ICE1: variants seen among roughly 807,000 people sequenced by gnomAD.
ICE1 encodes little elongation complex subunit 1.
Under a neutral mutation model 192.7 loss-of-function variants are expected in ICE1, and 64 were observed. The observed-to-expected ratio is 0.33, with a 90% confidence interval of 0.27 to 0.41. The LOEUF is 0.41. Ranked by LOEUF, ICE1 falls within the 10% of genes least tolerant of loss-of-function variation. The pLI is 1.00. For synonymous variants in ICE1, 1,010 were observed against 984.5 expected (o/e 1.03, Z -0.49); for missense variants, 2,708 against 2,696.0 (o/e 1.00, Z -0.10).
intron 17 of ICE1, among the ~76,000 whole-genome samples, chr5:5,481,638 G>A (rs921452910): frequency 5.3e-5 from 8 of 152,046 alleles, no homozygotes; most frequent in South Asian, 2.1e-4. Context: ...TAATGGGTTC[G>A]GAAAAGAATG....
Position 5,422,864 on chromosome 5 carries a change from G to T in ICE1, c.-52G>T. On this transcript the variant is annotated 5_prime_UTR_variant, in exon 1 of 19. Transcript: ENST00000296564. ...GCATCAGCAGAGACAGGACGGGGCC[G>T]ACGCCGCGGGCCCCTGAGGCGTGCG... 1.6e-6 allele frequency: 2 copies of T among 1,244,112 alleles called. No homozygotes were observed. Among genetic ancestry groups the T allele is most frequent in the South Asian group, 5.1e-5 (2 of 39,336 alleles). The allele number at this position is 1,244,112 out of a possible 1,614,324, so 77.1% of individuals were successfully genotyped here. A position where few individuals can be genotyped will look rare whatever the true frequency, so the allele number is the denominator to read the frequency against.
Position 5,466,343 on chromosome 5 carries a change from G to C in ICE1, c.5902G>C (p.Glu1968Gln), listed in dbSNP as rs758714078. 1.2e-6 allele frequency: 2 copies of C among 1,601,574 alleles called. No individual in the cohort carries two copies. Among genetic ancestry groups the C allele is most frequent in the African/African-American group, 1.3e-5 (1 of 74,098 alleles). ...EFSTTKKHLA[E>Q]CLLHSILSEL... is the part of the protein sequence containing the mutation. ...TTTTTTTTCAATCCAGCATTTAGCA[G>C]AGTGCTTGCTTCACTCTATTCTCTC... The change falls in exon 14 of 19, where the codon GAG becomes CAG. Residue 1968 changes from glutamate (E) to glutamine (Q), a missense_variant. Physicochemically the swap from Glu to Gln is conservative, Grantham distance 29 (BLOSUM62 2). This residue lies in a region of ICE1 where 342 missense variants were observed against 419.3 expected (regional missense o/e 0.82). Coordinates refer to ENST00000296564, the MANE Select transcript of ICE1 (RefSeq NM_015325.3).
At chr5:5,438,713 T>C (rs1737951801) in intron 3 of ICE1, among the ~76,000 whole-genome samples, 2 of 152,306 alleles carry the variant, frequency 1.3e-5, no homozygotes, top group Middle Eastern at 3.4e-3. Context: ...GAAATAATTG[T>C]TTTACTTTTC....
At chr5:5,444,427 T>G in intron 7 of ICE1, 101 bp downstream of exon 7, 1 of 809,860 alleles carries the variant, frequency 1.2e-6, no homozygotes, top group South Asian at 1.6e-5. Context: ...ATTGTTATGG[T>G]TTTTGATGGT....
chr5:5,433,785 T>G (rs1737792085), intron 1 of ICE1, among the ~76,000 whole-genome samples: 1 of 152,190 alleles, frequency 6.6e-6, no homozygotes, highest in Non-Finnish European at 1.5e-5. Context: ...GCTTAACAGA[T>G]GGTGACCCAA....
chr5:5,423,550 C>T (rs1457284935), intron 1 of ICE1, among the ~76,000 whole-genome samples: 1 of 152,186 alleles, frequency 6.6e-6, no homozygotes, highest in Non-Finnish European at 1.5e-5. Context: ...GGTCAAGTAG[C>T]TTGTCAGTTG....
chr5:5,476,684 G>C (rs955374527), intron 17 of ICE1, among the ~76,000 whole-genome samples: 1 of 152,154 alleles, frequency 6.6e-6, no homozygotes, highest in African/African-American at 2.4e-5. Context: ...CTCAGAGCAA[G>C]AGCTTGCTCA....
At chr5:5,477,064 T>G (rs1247858907) in intron 17 of ICE1, among the ~76,000 whole-genome samples, 1 of 150,364 alleles carries the variant, frequency 6.7e-6, no homozygotes, top group Non-Finnish European at 1.5e-5. Context: ...TTTATTTTTA[T>G]TTTTACTTAT....
At chr5:5,433,296 A>T (rs1395338602) in intron 1 of ICE1, among the ~76,000 whole-genome samples, 1 of 151,974 alleles carries the variant, frequency 6.6e-6, no homozygotes, top group East Asian at 1.9e-4. Context: ...ATGGTTGGGG[A>T]TTGGGATTAA....
At chr5:5,467,887 T>C (rs1163483704) in intron 14 of ICE1, among the ~76,000 whole-genome samples, 1 of 152,246 alleles carries the variant, frequency 6.6e-6, no homozygotes, top group Non-Finnish European at 1.5e-5. Flanking sequence ...ATTTATCCTA[T>C]GGCTCAGAAA....
chr5:5,485,765 T>A (rs1561102611), intron 17 of ICE1, among the ~76,000 whole-genome samples: 1 of 152,194 alleles, frequency 6.6e-6, no homozygotes, highest in Admixed American at 6.5e-5. Context: ...ACATTTAATA[T>A]CACCAATCTC....
chr5:5,477,596 C>A (rs924245968), intron 17 of ICE1, among the ~76,000 whole-genome samples: 1 of 152,162 alleles, frequency 6.6e-6, no homozygotes, highest in Non-Finnish European at 1.5e-5. Flanking sequence ...GAAGCTATTC[C>A]AAACAGTAGA....
At chr5:5,486,648 G>A (rs530375554) in intron 17 of ICE1, 73 bp from the exon 18 acceptor site, 11 of 999,444 alleles carry the variant, frequency 1.1e-5, no homozygotes, top group Admixed American at 4.1e-5. Flanking sequence ...TAAGAGAAGT[G>A]GACCTTTAAA....
In ICE1 at chr5:5,489,856, GCA is replaced by G. The variant is rs1459374134; in HGVS notation, c.*527_*528del. 2 of 152,226 alleles carry G rather than the reference GCA, an allele frequency of 1.3e-5. No individual in the cohort carries two copies. The highest frequency in any genetic ancestry group is 2.9e-5 in the Non-Finnish European group (2 of 68,058). The allele number at this position is 152,226 out of a possible 1,614,324, so 9.4% of individuals were successfully genotyped here. Reference sequence around the variant, plus strand: ...TGCGTAATTGATCAGAGCAAAACATGCAGAGCCCTTAGCAGAAACCCACTTTA... The same window carrying G: ...TGCGTAATTGATCAGAGCAAAACATGGAGCCCTTAGCAGAAACCCACTTTA... On this transcript the variant is annotated 3_prime_UTR_variant, in exon 19 of 19. Transcript: ENST00000296564.
rs567538739 is a variant in ICE1 at position 5,486,830 on chromosome 5, C to A, written c.6619+11C>A. 9.0e-6 allele frequency: 14 copies of A among 1,559,632 alleles called. No individual in the cohort carries two copies. The highest frequency in any genetic ancestry group is 1.4e-5 in the African/African-American group (1 of 73,894). On this transcript the variant is annotated intron_variant, in intron 18 of 18. Coordinates refer to ENST00000296564, the MANE Select transcript of ICE1 (RefSeq NM_015325.3). The stretch of plus-strand genomic sequence containing the variant: ...ATGCTCACGATGAAGGTAAAACTTA[C>A]ATCTATTAAAATTACTTTTAAGTAA...
At chr5:5,483,536 T>G (rs1739563986) in intron 17 of ICE1, among the ~76,000 whole-genome samples, 1 of 152,122 alleles carries the variant, frequency 6.6e-6, no homozygotes, top group African/African-American at 2.4e-5. Context: ...AGAAATGTGG[T>G]GGAGAATAGA....
rs890482515 is a variant in ICE1 at position 5,423,029 on chromosome 5, G to T, written c.84+30G>T. Reference sequence around the variant, plus strand: ...AGCACCTCCCGGGGCCCCGGGCGCGGGGGGGGACTCGGCTCGGCCGGCCGG... The same window carrying T: ...AGCACCTCCCGGGGCCCCGGGCGCGTGGGGGGACTCGGCTCGGCCGGCCGG... On this transcript the variant is annotated intron_variant, in intron 1 of 18. Coordinates refer to ENST00000296564, the MANE Select transcript of ICE1 (RefSeq NM_015325.3). The T allele has an allele frequency of 1.7e-5, 23 of 1,326,686 alleles. 1 individual carries two copies. Among genetic ancestry groups the T allele is most frequent in the South Asian group, 1.5e-4 (8 of 53,662 alleles). 82.2% of individuals were successfully genotyped at this position (1,326,686 alleles called of 1,614,324 possible).
intron 7 of ICE1, 89 bp downstream of exon 7, chr5:5,444,415 G>A: frequency 1.1e-6 from 1 of 909,300 alleles, no homozygotes; most frequent in Non-Finnish European, 1.7e-6. Flanking sequence ...TCAAATAGTT[G>A]AATTGTTATG....
At chr5:5,457,182 G>A (rs1738610757) in intron 11 of ICE1, 150 bp from the exon 12 acceptor site, 2 of 680,034 alleles carry the variant, frequency 2.9e-6, no homozygotes, top group Admixed American at 3.3e-5. Flanking sequence ...ATAATGTTTA[G>A]AAAGCGATTG....
Sources: allele counts gnomAD v4.1 joint callset (sites outside exome capture counted in the v4.1 genomes callset), GRCh38; gene constraint gnomAD v4.1.1; regional missense constraint gnomAD v4.1.1; transcripts MANE v1.5; gene names NCBI Gene and HGNC (gene_info 2026-07-23, HGNC 2026-07-21).